NUDT10: variants seen among roughly 807,000 people sequenced by gnomAD.
NUDT10 encodes diphosphoinositol polyphosphate phosphohydrolase 3-alpha.
In NUDT10, 2 loss-of-function variants were observed where a neutral mutation model predicts 10.5. The ratio of observed to expected loss-of-function variants is 0.19; its 90% CI spans 0.08 to 0.60. The LOEUF is 0.60. Among genes scored for constraint, NUDT10 ranks in the 20% least tolerant of loss-of-function variants. NUDT10 has a pLI of 0.89. For missense variants in NUDT10, 75 were observed against 149.5 expected, an observed-to-expected ratio of 0.50 and a Z score of 2.60; for synonymous variants, 53 against 71.8, an observed-to-expected ratio of 0.74 and a Z score of 1.32.
At position 51,333,226 on chromosome X, in the gene NUDT10, G is replaced by A. The variant is rs782306699; in HGVS notation, c.261G>A (p.Gln87=). The change falls in exon 1 of 2, where the codon CAG becomes CAA. Residue 87 remains glutamine, a synonymous_variant. Transcript: ENST00000356450. ...GRLLGVFEQN[Q]DPKHRTYVYV... is the part of the protein sequence containing the mutation. ...TCCTGGGCGTCTTCGAACAGAACCA[G>A]GACCCCAAGCACAGAACGTACGTGT... 8 of 1,211,471 alleles carry A rather than the reference G, an allele frequency of 6.6e-6. No homozygotes were observed. Among genetic ancestry groups the A allele is most frequent in the Non-Finnish European group, 8.9e-6 (8 of 895,398 alleles).
At chrX:51,332,796 T>A, upstream of NUDT10, 1 of 785,321 alleles carries the variant, frequency 1.3e-6, no homozygotes, top group Non-Finnish European at 1.8e-6. Context: ...GCTTCATCTC[T>A]CCCTCCGCTC....
At chrX:51,332,608 G>A (rs1922691440), upstream of NUDT10, among the ~76,000 whole-genome samples, 1 of 112,919 alleles carries the variant, frequency 8.9e-6, no homozygotes, top group African/African-American at 3.2e-5. Context: ...GCGCGGACGC[G>A]CCCGAGAATG....
chrX:51,334,262 T>C (rs1253324324), intron 1 of NUDT10, among the ~76,000 whole-genome samples: 1 of 112,258 alleles, frequency 8.9e-6, no homozygotes, highest in Non-Finnish European at 1.9e-5. Flanking sequence ...TAGATGCTGC[T>C]GGGGATCTGC....
chrX:51,337,228 A>G lies in NUDT10; in HGVS notation c.*989A>G, dbSNP rs1049297038. On this transcript the variant is annotated 3_prime_UTR_variant, in exon 2 of 2. Coordinates refer to ENST00000356450, the MANE Select transcript of NUDT10 (RefSeq NM_001304963.2). ...GTAAAACGAATACATTTATGAGACAATCGGGGTAATTTGAACATTGGTGGG... is the reference window on the plus strand; with the variant it reads ...GTAAAACGAATACATTTATGAGACAGTCGGGGTAATTTGAACATTGGTGGG... 8.9e-6 allele frequency: 1 copy of G among 112,152 alleles called. No individual in the cohort carries two copies. Among genetic ancestry groups the G allele is most frequent in the South Asian group, 3.7e-4 (1 of 2,692 alleles). The allele number at this position is 112,152 out of a possible 1,213,427, so 9.2% of individuals were successfully genotyped here.
Position 51,336,324 on chromosome X carries a change from G to A in NUDT10, c.*85G>A, listed in dbSNP as rs979072320. The A allele has an allele frequency of 2.7e-5, 14 of 528,268 alleles. No homozygotes were observed. The highest frequency in any genetic ancestry group is 3.8e-5 in the Non-Finnish European group (11 of 289,374). 43.5% of individuals were successfully genotyped at this position (528,268 alleles called of 1,213,427 possible). A position where few individuals can be genotyped will look rare whatever the true frequency, so the allele number is the denominator to read the frequency against. On this transcript the variant is annotated 3_prime_UTR_variant, in exon 2 of 2. Transcript: ENST00000356450. Reference sequence around the variant, plus strand: ...ATGAATGGAATTGTGAAGCACAGATGAGCTCTTTCACACTCCAAGGACACA... The same window carrying A: ...ATGAATGGAATTGTGAAGCACAGATAAGCTCTTTCACACTCCAAGGACACA...
intron 1 of NUDT10, among the ~76,000 whole-genome samples, chrX:51,333,988 CTTG>C (rs1348585046): frequency 9.0e-6 from 1 of 110,716 alleles, no homozygotes; most frequent in Admixed American, 9.6e-5. Flanking sequence ...AGCGTTCGCC[CTTG>C]TTGTCAGGGA....
chrX:51,336,096 A>G (rs1922831109), intron 1 of NUDT10, 143 bp from the exon 2 acceptor site: 1 of 420,882 alleles, frequency 2.4e-6, no homozygotes, highest in South Asian at 4.6e-5. Context: ...CTGGCCTCAC[A>G]GTGAAACTGC....
chrX:51,332,914 C>T lies in NUDT10; in HGVS notation c.-52C>T. On this transcript the variant is annotated 5_prime_UTR_variant, in exon 1 of 2. Coordinates refer to ENST00000356450, the MANE Select transcript of NUDT10 (RefSeq NM_001304963.2). Reference sequence around the variant, plus strand: ...GGCTGCTGCCCGGCAGCGGCAGCAGCTGCGTCGGCGGCCCACACAGCAGCG... The same window carrying T: ...GGCTGCTGCCCGGCAGCGGCAGCAGTTGCGTCGGCGGCCCACACAGCAGCG... The T allele has an allele frequency of 1.1e-5, 9 of 856,626 alleles. No individual in the cohort carries two copies. The highest frequency in any genetic ancestry group is 1.5e-5 in the Non-Finnish European group (9 of 590,573). 70.6% of individuals were successfully genotyped at this position (856,626 alleles called of 1,213,427 possible).
chrX:51,333,702 T>A (rs1440572837), intron 1 of NUDT10, among the ~76,000 whole-genome samples: 1 of 91,862 alleles, frequency 1.1e-5, no homozygotes, highest in African/African-American at 4.0e-5. Context: ...GAGAAGCCTA[T>A]GCCGCTTGGG....
chrX:51,336,464 T>C lies in NUDT10; in HGVS notation c.*225T>C, dbSNP rs1214279629. ...TCTAACTTGGCACCTGTGGCCTTTT[T>C]TGTGCTCTTATGTGTCTGTATTTCC... On this transcript the variant is annotated 3_prime_UTR_variant, in exon 2 of 2. Coordinates refer to ENST00000356450, the MANE Select transcript of NUDT10 (RefSeq NM_001304963.2). 3.2e-6 allele frequency: 1 copy of C among 316,945 alleles called. No homozygotes were observed. The allele number at this position is 316,945 out of a possible 1,213,427, so 26.1% of individuals were successfully genotyped here.
intron 1 of NUDT10, among the ~76,000 whole-genome samples, chrX:51,333,862 A>G (rs2801624): frequency 2.8e-5 from 3 of 107,454 alleles, no homozygotes; most frequent in Non-Finnish European, 5.7e-5. Context: ...GGGTGCGTGC[A>G]CATTTTTGAT....
chrX:51,332,774 G>A (rs1172485548), upstream of NUDT10: 22 of 638,277 alleles, frequency 3.4e-5, no homozygotes, highest in Non-Finnish European at 4.8e-5. Flanking sequence ...GCCTCCGCCC[G>A]TGCCCCGCCC....
At chrX:51,333,792 G>T (rs1186908428) in intron 1 of NUDT10, among the ~76,000 whole-genome samples, 1 of 97,525 alleles carries the variant, frequency 1.0e-5, no homozygotes, top group Admixed American at 1.1e-4. Flanking sequence ...CGGGGAGTGT[G>T]TGTGTCTGCC....
chrX:51,334,574 A>G (rs782008050), intron 1 of NUDT10, among the ~76,000 whole-genome samples: 2 of 112,049 alleles, frequency 1.8e-5, no homozygotes, highest in Non-Finnish European at 3.8e-5. Flanking sequence ...TTCCTGAACA[A>G]TCTCTCAATG....
Position 51,333,087 on chromosome X carries a change from AC to A in NUDT10, c.125del (p.Pro42ArgfsTer35). On this transcript the variant is annotated frameshift_variant, in exon 1 of 2. Coordinates refer to ENST00000356450, the MANE Select transcript of NUDT10 (RefSeq NM_001304963.2). LOFTEE classifies it high-confidence loss of function. ...DEVLLVSSSR[Y>X]PDRWIVPGGG... is the part of the protein sequence containing the mutation. ...GTCCTGTTAGTGAGTAGCAGCCGGT[AC>A]CCGGACCGCTGGATCGTGCCGGGCG... is the stretch of plus-strand genomic sequence containing the variant. 1 of 1,209,674 alleles carries A rather than the reference AC, an allele frequency of 8.3e-7. No homozygotes were observed. The highest frequency in any genetic ancestry group is 1.1e-6 in the Non-Finnish European group (1 of 894,526).
rs782339243 is a variant in NUDT10 at position 51,333,376 on chromosome X, C to G, written c.411C>G (p.Ala137=). The G allele has an allele frequency of 1.7e-6, 2 of 1,209,201 alleles. No individual in the cohort carries two copies. The highest frequency in any genetic ancestry group is 1.1e-6 in the Non-Finnish European group (1 of 893,665). ...KVLQCHKPVH[A]EYLEKLKLGG... is the part of the protein sequence containing the mutation. ...TCCAGTGCCACAAGCCCGTGCACGCCGAATATCTGGAGAAACTAAAGCTGG... is the reference window on the plus strand; with the variant it reads ...TCCAGTGCCACAAGCCCGTGCACGCGGAATATCTGGAGAAACTAAAGCTGG... The change falls in exon 1 of 2, where the codon GCC becomes GCG. Residue 137 remains alanine (A), a synonymous_variant. Coordinates refer to ENST00000356450, the MANE Select transcript of NUDT10 (RefSeq NM_001304963.2).
chrX:51,336,759 T>A lies in NUDT10; in HGVS notation c.*520T>A, dbSNP rs1168822927. ...AATTCTTACTCCTATGTCTGTGTCATCCCAGATGTGTGCCTCCAGATGGCA... is the reference window on the plus strand; with the variant it reads ...AATTCTTACTCCTATGTCTGTGTCAACCCAGATGTGTGCCTCCAGATGGCA... On this transcript the variant is annotated 3_prime_UTR_variant, in exon 2 of 2. Transcript: ENST00000356450. 1.8e-5 allele frequency: 2 copies of A among 111,967 alleles called. No individual in the cohort carries two copies. Among genetic ancestry groups the A allele is most frequent in the Non-Finnish European group, 3.8e-5 (2 of 53,305 alleles). The allele number at this position is 111,967 out of a possible 1,213,427, so 9.2% of individuals were successfully genotyped here. A position where few individuals can be genotyped will look rare whatever the true frequency, so the allele number is the denominator to read the frequency against.
intron 1 of NUDT10, among the ~76,000 whole-genome samples, chrX:51,335,528 G>A (rs782320051): frequency 8.9e-6 from 1 of 111,901 alleles, no homozygotes; most frequent in East Asian, 2.8e-4. Context: ...AACCCTGAAA[G>A]GGGTGAAAGG....
At chrX:51,333,866 T>A (rs1389808451) in intron 1 of NUDT10, among the ~76,000 whole-genome samples, 1 of 108,891 alleles carries the variant, frequency 9.2e-6, no homozygotes, top group Non-Finnish European at 1.9e-5. Flanking sequence ...GCGTGCACAT[T>A]TTTGATACCA....
Sources: gnomAD v4.1 joint callset for allele counts (sites outside exome capture counted in the v4.1 genomes callset) on GRCh38, gnomAD v4.1.1 for gene constraint, MANE v1.5 for transcripts, NCBI Gene and HGNC (gene_info 2026-07-23, HGNC 2026-07-21) for gene names.